The following FGF12 variants were observed in gnomAD, a reference collection of about 807,000 sequenced individuals.
The protein encoded by FGF12 is fibroblast growth factor 12B.
A neutral mutation model predicts 23.6 loss-of-function variants in FGF12; 14 were observed. The ratio of observed to expected loss-of-function variants is 0.59; its 90% CI spans 0.39 to 0.93. The LOEUF (loss-of-function observed/expected upper bound fraction) is 0.93, where lower values mean the gene tolerates loss of function less well. Ranked by LOEUF, FGF12 falls within the 40% of genes least tolerant of loss-of-function variation. The pLI is 0.00. For missense variants in FGF12, 175 were observed against 217.8 expected, an observed-to-expected ratio of 0.80 and a Z score of 1.24; for synonymous variants, 62 against 77.3, an observed-to-expected ratio of 0.80 and a Z score of 1.04.
At chr3:192,641,633 C>A (rs1359867147) in intron 2 of FGF12, among the ~76,000 whole-genome samples, 1 of 150,946 alleles carries the variant, frequency 6.6e-6, no homozygotes, top group African/African-American at 2.4e-5. Context: ...CTTGAACTCC[C>A]GACCTCAGGT....
intron 4 of FGF12, among the ~76,000 whole-genome samples, chr3:192,302,669 TAA>T: frequency 6.6e-6 from 1 of 152,312 alleles, no homozygotes; most frequent in South Asian, 2.1e-4. Context: ...ACAGTGAGCA[TAA>T]AGAGTTTACT....
At chr3:192,527,296 C>T (rs1724967346) in intron 2 of FGF12, among the ~76,000 whole-genome samples, 1 of 152,162 alleles carries the variant, frequency 6.6e-6, no homozygotes, top group Admixed American at 6.5e-5. Flanking sequence ...AAATTACAGT[C>T]TGTGATATTC....
intron 4 of FGF12, among the ~76,000 whole-genome samples, chr3:192,332,705 A>G (rs11929404): frequency 0.021 from 3,140 of 152,184 alleles, 92 homozygotes; most frequent in African/African-American, 0.061. Flanking sequence ...GATAAATGAT[A>G]CTGCTTGTGA....
intron 2 of FGF12, among the ~76,000 whole-genome samples, chr3:192,616,775 C>G (rs1054901196): frequency 6.6e-6 from 1 of 151,738 alleles, no homozygotes; most frequent in Non-Finnish European, 1.5e-5. Flanking sequence ...TGTTGTTATT[C>G]TCTGCCTTCT....
At chr3:192,686,600 C>G (rs1045408926) in intron 2 of FGF12, among the ~76,000 whole-genome samples, 2 of 151,872 alleles carry the variant, frequency 1.3e-5, no homozygotes, top group African/African-American at 4.8e-5. Context: ...ATTTCCTTGA[C>G]TCAGGTATTT....
intron 4 of FGF12, among the ~76,000 whole-genome samples, chr3:192,306,796 G>C (rs1005495126): frequency 1.8e-4 from 27 of 152,120 alleles, no homozygotes; most frequent in Non-Finnish European, 3.1e-4. Context: ...AAATAAGAGG[G>C]ACCTCTGGAT....
At chr3:192,173,294 T>C (rs1033027367) in intron 4 of FGF12, among the ~76,000 whole-genome samples, 1 of 150,534 alleles carries the variant, frequency 6.6e-6, no homozygotes, top group Non-Finnish European at 1.5e-5. Context: ...TCAATTGATA[T>C]CTCAATGAAA....
intron 2 of FGF12, among the ~76,000 whole-genome samples, chr3:192,410,915 T>C (rs9878179): frequency 0.27 from 41,480 of 152,126 alleles, 6,175 homozygotes; most frequent in Non-Finnish European, 0.34. Context: ...ACCCTCCATT[T>C]ATGCTAAAGT....
chr3:192,617,625 C>A (rs1714811797), intron 2 of FGF12, among the ~76,000 whole-genome samples: 1 of 152,082 alleles, frequency 6.6e-6, no homozygotes, highest in Admixed American at 6.6e-5. Flanking sequence ...TACAACCAAC[C>A]TGAGGCTCTT....
intron 2 of FGF12, among the ~76,000 whole-genome samples, chr3:192,363,584 C>T (rs1718840130): frequency 6.6e-6 from 1 of 152,048 alleles, no homozygotes; most frequent in Non-Finnish European, 1.5e-5. Context: ...AAAAAATACC[C>T]TGAACATATA....
At chr3:192,396,955 C>A (rs1309175499) in intron 2 of FGF12, among the ~76,000 whole-genome samples, 1 of 152,164 alleles carries the variant, frequency 6.6e-6, no homozygotes, top group Admixed American at 6.5e-5. Flanking sequence ...TCAAAACTTA[C>A]CCTGAAGGGG....
intron 2 of FGF12, among the ~76,000 whole-genome samples, chr3:192,383,131 A>G (rs900376190): frequency 3.9e-5 from 6 of 152,240 alleles, no homozygotes; most frequent in Non-Finnish European, 7.3e-5. Flanking sequence ...AAGACAGCAA[A>G]GTAGATCCTT....
In FGF12 at chr3:192,408,007, C is replaced by T; in HGVS notation, c.14-47469G>A. 3 of 1,593,962 alleles carry T rather than the reference C, an allele frequency of 1.9e-6. No individual in the cohort carries two copies. The highest frequency in any genetic ancestry group is 2.6e-6 in the Non-Finnish European group (3 of 1,170,766). Reference sequence around the variant, plus strand: ...GGGCGTCCCCTCTGGGGAGCCCACTCTCCGGGCTTCTACTGACCTGGTCTC... The same window carrying T: ...GGGCGTCCCCTCTGGGGAGCCCACTTTCCGGGCTTCTACTGACCTGGTCTC... On this transcript the variant is annotated intron_variant, in intron 2 of 5. Coordinates refer to ENST00000445105, the MANE Select transcript of FGF12 (RefSeq NM_004113.6). This position sits in a 1 kb window ranked among gnomAD's most constrained non-coding sequence, Gnocchi z 7.3.
Position 192,514,645 on chromosome 3 carries a change from TG to T in FGF12, c.14-154108del. The T allele has an allele frequency of 1.0e-6, 1 of 970,192 alleles. No individual in the cohort carries two copies. The highest frequency in any genetic ancestry group is 1.2e-6 in the Non-Finnish European group (1 of 816,076). The allele number at this position is 970,192 out of a possible 1,614,324, so 60.1% of individuals were successfully genotyped here. On this transcript the variant is annotated intron_variant, in intron 2 of 5. Transcript: ENST00000445105. This position sits in a 1 kb window ranked among gnomAD's most constrained non-coding sequence, Gnocchi z 4.9. ...GGGGCATTCTGCAGTGTTTGGGGGC[TG>T]GGGAAAGAACATTTTCTCACCACTT...
chr3:192,566,623 C>CTCTT (rs1712305372), intron 2 of FGF12, among the ~76,000 whole-genome samples: 1 of 152,160 alleles, frequency 6.6e-6, no homozygotes, highest in South Asian at 2.1e-4. Context: ...TGTCTGTTGT[C>CTCTT]TCTTTGGCCC....
intron 2 of FGF12, among the ~76,000 whole-genome samples, chr3:192,459,838 AGTGTGTGTGT>A (rs35153893): frequency 2.0e-5 from 3 of 150,390 alleles, no homozygotes; most frequent in South Asian, 2.1e-4. Flanking sequence ...ATGTATGTTT[AGTGTGTGTGT>A]GTGTGTGTGT....
chr3:192,713,811 G>A lies in FGF12; in HGVS notation c.13+13370C>T, dbSNP rs73887680. ...TTTCTAGACTTCAACCATTGATCAC[G>A]ATGATGCAGTTTGGTATGATGTGTC... On this transcript the variant is annotated intron_variant, in intron 2 of 5. Transcript: ENST00000445105. 4.5e-3 allele frequency among the ~76,000 whole-genome samples: 683 copies of A among 152,260 alleles called. 6 individuals carry two copies. The highest frequency in any genetic ancestry group is 0.016 in the African/African-American group (661 of 41,548).
In FGF12 at chr3:192,408,630, C is replaced by CT; in HGVS notation, c.14-48093dup. The CT allele has an allele frequency of 9.6e-7, 1 of 1,046,354 alleles. No homozygotes were observed. Among genetic ancestry groups the CT allele is most frequent in the East Asian group, 8.5e-5 (1 of 11,730 alleles). The allele number at this position is 1,046,354 out of a possible 1,614,324, so 64.8% of individuals were successfully genotyped here. On this transcript the variant is annotated intron_variant, in intron 2 of 5. Coordinates refer to ENST00000445105, the MANE Select transcript of FGF12 (RefSeq NM_004113.6). The surrounding 1 kb of genome is among the most constrained non-coding windows in gnomAD (Gnocchi z 7.3). ...ATGCCCAAAATAACAAGACGTGCCT[C>CT]TGTTGGAGAGGCGCAAGCGTTGTAA...
At position 192,557,564 on chromosome 3, in the gene FGF12, TATGAGGAC is replaced by T. The variant is rs1392020320; in HGVS notation, c.13+169609_13+169616del. Among the ~76,000 whole-genome samples the T allele has an allele frequency of 3.3e-5, 5 of 151,934 alleles. No individual in the cohort carries two copies. In the East Asian group the frequency reaches 5.8e-4, roughly 18 times the overall value. On this transcript the variant is annotated intron_variant, in intron 2 of 5. Coordinates refer to ENST00000445105, the MANE Select transcript of FGF12 (RefSeq NM_004113.6). ...GAGGGGAACACTTCAAAACTAATTT[TATGAGGAC>T]ACCATTACCTTGATAGCAAAGACAA...
Sources: allele counts gnomAD v4.1 joint callset (sites outside exome capture counted in the v4.1 genomes callset), GRCh38; gene constraint gnomAD v4.1.1; non-coding constraint Gnocchi (gnomAD v3.1); transcripts MANE v1.5; gene names NCBI Gene and HGNC (gene_info 2026-07-23, HGNC 2026-07-21).